NFIB: variants seen among roughly 807,000 people sequenced by gnomAD.
The protein encoded by NFIB is nuclear factor 1 B-type.
A neutral mutation model predicts 61.5 loss-of-function variants in NFIB; 11 were observed. That is an observed-to-expected ratio of 0.18 (90% CI 0.11 to 0.30). The LOEUF (loss-of-function observed/expected upper bound fraction) is 0.30. Ranked by LOEUF, NFIB falls within the 10% of genes least tolerant of loss-of-function variation. The probability of loss-of-function intolerance (pLI) is 1.00; values close to 1 mark genes in which losing one functional copy is unlikely to be tolerated. For synonymous variants in NFIB, 260 were observed against 216.5 expected (o/e 1.20, Z -1.76); for missense variants, 471 against 608.9 (o/e 0.77, Z 2.38).
chr9:14,367,069 TTGA>T (rs2061308923), intron 1 of NFIB, among the ~76,000 whole-genome samples: 1 of 152,152 alleles, frequency 6.6e-6, no homozygotes, highest in African/African-American at 2.4e-5. Context: ...TAACCCTGAG[TTGA>T]TGACCATGAT....
At chr9:14,443,988 A>C in the NFIB span, among the ~76,000 whole-genome samples, 2 of 152,184 alleles carry the variant, frequency 1.3e-5, no homozygotes, top group African/African-American at 2.4e-5. Flanking sequence ...TGTGTCCCCA[A>C]ACTATTTTTC....
chr9:14,127,273 T>C (rs553876561), intron 6 of NFIB, among the ~76,000 whole-genome samples: 4 of 152,304 alleles, frequency 2.6e-5, no homozygotes, highest in Non-Finnish European at 5.9e-5. Context: ...TTGAGTGCTG[T>C]TGACTTTAAT....
chr9:14,346,972 C>T lies in NFIB; in HGVS notation c.109-39452G>A, dbSNP rs371353533. Among the ~76,000 whole-genome samples the T allele has an allele frequency of 1.8e-4, 27 of 151,984 alleles. No homozygotes were observed. In the South Asian group the frequency reaches 3.7e-3, roughly 21 times the overall value. On this transcript the variant is annotated intron_variant, in intron 1 of 8. Transcript: ENST00000380934. ...GAGGCCGAGCTCCCGCACGAATTAG[C>T]CTCACAACAGGACCTAGGTCTCCTA...
the NFIB span, among the ~76,000 whole-genome samples, chr9:14,450,738 C>T: frequency 6.6e-6 from 1 of 152,014 alleles, no homozygotes; most frequent in Non-Finnish European, 1.5e-5. Context: ...ATTTTCTTTT[C>T]TTTTATAAGT....
intron 10 of NFIB, among the ~76,000 whole-genome samples, chr9:14,090,558 A>G (rs1311053236): frequency 6.6e-6 from 1 of 152,124 alleles, no homozygotes; most frequent in African/African-American, 2.4e-5. Context: ...AGTCACATCT[A>G]TCTTTATAGA....
In NFIB at chr9:14,085,528, A is replaced by C. The variant is rs1321467984; in HGVS notation, c.*2781T>G. On this transcript the variant is annotated 3_prime_UTR_variant, in exon 11 of 11. Transcript: ENST00000380953. The stretch of plus-strand genomic sequence containing the variant: ...GTTTAATTCATCCACAGGAAGATTA[A>C]TTGCTTAAAATTCTATATTTCCCTT... 4.6e-6 allele frequency: 1 copy of C among 219,518 alleles called. No homozygotes were observed. Among genetic ancestry groups the C allele is most frequent in the African/African-American group, 2.2e-5 (1 of 44,534 alleles). The allele number at this position is 219,518 out of a possible 1,614,324, so 13.6% of individuals were successfully genotyped here. A position where few individuals can be genotyped will look rare whatever the true frequency, so the allele number is the denominator to read the frequency against.
At chr9:14,289,598 C>T (rs969576886) in intron 2 of NFIB, among the ~76,000 whole-genome samples, 1 of 151,632 alleles carries the variant, frequency 6.6e-6, no homozygotes, top group Admixed American at 6.6e-5. Flanking sequence ...TATATATGCA[C>T]ATACATATAC....
chr9:14,182,360 G>A (rs1019386451), intron 2 of NFIB, among the ~76,000 whole-genome samples: 3 of 152,118 alleles, frequency 2.0e-5, no homozygotes, highest in African/African-American at 7.2e-5. Context: ...TGTATACTGT[G>A]TCTCAGAAAC....
Position 14,084,875 on chromosome 9 carries a change from A to C in NFIB, c.*3434T>G, listed in dbSNP as rs1019881612. On this transcript the variant is annotated 3_prime_UTR_variant, in exon 11 of 11. Transcript: ENST00000380953. ...AGAAGAAAAAATTGATTTGAAATAA[A>C]AAAAGCAACACTTGAACTAGGCCTT... 4.3e-6 allele frequency: 1 copy of C among 230,486 alleles called. No homozygotes were observed. Among genetic ancestry groups the C allele is most frequent in the Non-Finnish European group, 8.6e-6 (1 of 116,164 alleles). The allele number at this position is 230,486 out of a possible 1,614,324, so 14.3% of individuals were successfully genotyped here.
At chr9:14,515,726 G>T in the NFIB span, among the ~76,000 whole-genome samples, 1 of 152,190 alleles carries the variant, frequency 6.6e-6, no homozygotes, top group African/African-American at 2.4e-5. Context: ...TCGGGGCCAT[G>T]CGAAAATGCA....
At chr9:14,133,030 C>T (rs1563818492) in intron 6 of NFIB, among the ~76,000 whole-genome samples, 2 of 152,204 alleles carry the variant, frequency 1.3e-5, no homozygotes, top group South Asian at 2.1e-4. Context: ...AAGGAAAGAA[C>T]ATACATAAGC....
chr9:14,267,102 C>T (rs903340572), intron 2 of NFIB, among the ~76,000 whole-genome samples: 2 of 151,918 alleles, frequency 1.3e-5, no homozygotes, highest in African/African-American at 4.8e-5. Context: ...AAGAGGCATG[C>T]CAACTTATCA....
chr9:14,232,623 AT>A (rs1158793872), intron 2 of NFIB, among the ~76,000 whole-genome samples: 1 of 152,226 alleles, frequency 6.6e-6, no homozygotes, highest in Non-Finnish European at 1.5e-5. Context: ...ATTTTAAAGT[AT>A]TAGAGGGCTA....
chr9:14,405,911 T>A, the NFIB span, among the ~76,000 whole-genome samples: 1 of 152,228 alleles, frequency 6.6e-6, no homozygotes, highest in Non-Finnish European at 1.5e-5. Context: ...GGATATGCTT[T>A]CTAGCACATG....
intron 2 of NFIB, among the ~76,000 whole-genome samples, chr9:14,226,618 T>C (rs944710325): frequency 2.0e-5 from 3 of 152,044 alleles, no homozygotes; most frequent in African/African-American, 7.2e-5. Context: ...TGAGCTTTAT[T>C]AATATAAGCA....
At chr9:14,254,707 C>A (rs2056036456) in intron 2 of NFIB, among the ~76,000 whole-genome samples, 1 of 152,118 alleles carries the variant, frequency 6.6e-6, no homozygotes, top group East Asian at 1.9e-4. Context: ...TTAATTATCA[C>A]ATGCTTATTA....
At chr9:14,216,492 T>C (rs113148273) in intron 2 of NFIB, among the ~76,000 whole-genome samples, 1 of 110,740 alleles carries the variant, frequency 9.0e-6, no homozygotes, top group East Asian at 2.8e-4. Context: ...TCTCCATTCT[T>C]TCTCTCTCTC....
chr9:14,106,343 T>A (rs575349776), intron 10 of NFIB, among the ~76,000 whole-genome samples: 4 of 152,120 alleles, frequency 2.6e-5, no homozygotes, highest in Non-Finnish European at 5.9e-5. Flanking sequence ...CAATATGAAA[T>A]TCTATTGTCT....
intron 2 of NFIB, among the ~76,000 whole-genome samples, chr9:14,259,954 A>C (rs1314248355): frequency 1.3e-5 from 2 of 152,164 alleles, no homozygotes; most frequent in Non-Finnish European, 1.5e-5. Flanking sequence ...AAAAACAGAT[A>C]TTTTAGTTGA....
Sources: allele counts gnomAD v4.1 joint callset (sites outside exome capture counted in the v4.1 genomes callset), GRCh38; gene constraint gnomAD v4.1.1; transcripts MANE v1.5; gene names NCBI Gene and HGNC (gene_info 2026-07-23, HGNC 2026-07-21).